Variants in OCIAD1 observed in about 807,000 individuals in gnomAD.
The protein encoded by OCIAD1 is OCIA domain containing 1.
A neutral mutation model predicts 38.9 loss-of-function variants in OCIAD1; 29 were observed. That is an observed-to-expected ratio of 0.74 (90% CI 0.55 to 1.02). OCIAD1 has a LOEUF of 1.02. OCIAD1 is among the 50% of genes least tolerant of loss of function. The probability of loss-of-function intolerance (pLI) is 0.00; values close to 1 mark genes in which losing one functional copy is unlikely to be tolerated. For missense variants in OCIAD1, 288 were observed against 289.6 expected (o/e 0.99, Z 0.04); for synonymous variants, 110 against 92.0 (o/e 1.20, Z -1.12).
chr4:48,845,593 G>T (rs973970267), intron 4 of OCIAD1, among the ~76,000 whole-genome samples: 2 of 152,024 alleles, frequency 1.3e-5, no homozygotes, highest in South Asian at 4.2e-4. Context: ...TCTTGTATGG[G>T]TTTTTTTGTC....
rs75751193 is a variant in OCIAD1, at chr4:48,861,046, A to G, written c.*284A>G. The G allele has an allele frequency of 6.2e-3, 2,105 of 339,850 alleles. 16 individuals carry two copies. The highest frequency in any genetic ancestry group is 0.018 in the Middle Eastern group (23 of 1,290). The allele number at this position is 339,850 out of a possible 1,614,324, so 21.1% of individuals were successfully genotyped here. A position where few individuals can be genotyped will look rare whatever the true frequency, so the allele number is the denominator to read the frequency against. On this transcript the variant is annotated 3_prime_UTR_variant, in exon 9 of 9. Coordinates refer to ENST00000264312, the MANE Select transcript of OCIAD1 (RefSeq NM_017830.4). Reference sequence around the variant, plus strand: ...GCAAGGGCAAAGATAACTCTTAAAAAACCGTCGAGATTACAATGCTCTAGA... The same window carrying G: ...GCAAGGGCAAAGATAACTCTTAAAAGACCGTCGAGATTACAATGCTCTAGA...
intron 1 of OCIAD1, chr4:48,831,476 C>T (rs558394666): frequency 3.9e-6 from 5 of 1,289,810 alleles, no homozygotes; most frequent in East Asian, 1.1e-4. Context: ...TGTGGGGTTG[C>T]TGCTCAGTCT....
upstream of OCIAD1, chr4:48,831,081 T>G: frequency 4.3e-6 from 1 of 232,314 alleles, no homozygotes; most frequent in Middle Eastern, 2.0e-3. Flanking sequence ...CGGGTCGCGG[T>G]CATTTTGAGC....
At chr4:48,850,180 A>G (rs1779308945) in intron 6 of OCIAD1, 98 bp downstream of exon 6, 1 of 1,255,612 alleles carries the variant, frequency 8.0e-7, no homozygotes, top group South Asian at 1.3e-5. Flanking sequence ...CTGAAGGACC[A>G]CTGGATACTT....
At chr4:48,858,703 C>T (rs1780322291) in intron 8 of OCIAD1, among the ~76,000 whole-genome samples, 1 of 152,170 alleles carries the variant, frequency 6.6e-6, no homozygotes, top group Admixed American at 6.5e-5. Context: ...AGTCCTTTCA[C>T]CTTGGCCTCC....
At chr4:48,838,151 C>G (rs760548937) in intron 3 of OCIAD1, among the ~76,000 whole-genome samples, 11 of 152,086 alleles carry the variant, frequency 7.2e-5, no homozygotes, top group Non-Finnish European at 1.0e-4. Context: ...AACCCCGTCT[C>G]TACTAAGAAT....
intron 7 of OCIAD1, chr4:48,856,781 A>AT (rs1222018747): frequency 6.6e-6 from 1 of 152,272 alleles, no homozygotes; most frequent in Non-Finnish European, 1.5e-5. Flanking sequence ...TTATAGGACT[A>AT]TTTAACTATA....
chr4:48,837,972 G>A (rs1375201264), intron 3 of OCIAD1, among the ~76,000 whole-genome samples: 1 of 152,178 alleles, frequency 6.6e-6, no homozygotes, highest in Non-Finnish European at 1.5e-5. Flanking sequence ...TATATGAACA[G>A]TACAAAGCTA....
intron 1 of OCIAD1, among the ~76,000 whole-genome samples, chr4:48,823,394 G>A (rs1028108470): frequency 6.6e-6 from 1 of 151,944 alleles, no homozygotes; most frequent in African/African-American, 2.4e-5. Context: ...CTGTTGGTGG[G>A]GGGGTAGGGG....
chr4:48,827,402 C>T (rs573432817), upstream of OCIAD1, among the ~76,000 whole-genome samples: 1 of 152,122 alleles, frequency 6.6e-6, no homozygotes, highest in East Asian at 1.9e-4. Flanking sequence ...TAATTTAATC[C>T]AGGTGGATCG....
intron 7 of OCIAD1, among the ~76,000 whole-genome samples, chr4:48,854,878 A>C (rs1779876454): frequency 6.6e-6 from 1 of 152,194 alleles, no homozygotes; most frequent in African/African-American, 2.4e-5. Context: ...TTAATCTTTT[A>C]AAATAGCAAG....
chr4:48,860,807 A>G lies in OCIAD1; in HGVS notation c.*45A>G, dbSNP rs1441222491. ...TGAAGGAGTTTCAACATCCAGCTTC[A>G]TCTAGGTGGTCATGATTACCTGCAT... On this transcript the variant is annotated 3_prime_UTR_variant, in exon 9 of 9. Coordinates refer to ENST00000264312, the MANE Select transcript of OCIAD1 (RefSeq NM_017830.4). 1 of 1,420,710 alleles carries G rather than the reference A, an allele frequency of 7.0e-7. No individual in the cohort carries two copies. Among genetic ancestry groups the G allele is most frequent in the Non-Finnish European group, 9.9e-7 (1 of 1,006,064 alleles). The allele number at this position is 1,420,710 out of a possible 1,614,324, so 88.0% of individuals were successfully genotyped here.
chr4:48,832,812 TGTTCTA>T, intron 2 of OCIAD1, 130 bp downstream of exon 2: 1 of 702,906 alleles, frequency 1.4e-6, no homozygotes, highest in Non-Finnish European at 2.6e-6. Flanking sequence ...CTTGGTTTCA[TGTTCTA>T]GTCTTGTTAT....
At chr4:48,828,880 A>G (rs1452608793), upstream of OCIAD1, among the ~76,000 whole-genome samples, 1 of 152,206 alleles carries the variant, frequency 6.6e-6, no homozygotes, top group Non-Finnish European at 1.5e-5. Context: ...AGGACACACT[A>G]TGTGTTAGGC....
chr4:48,843,058 T>C (rs1249099680), intron 4 of OCIAD1, among the ~76,000 whole-genome samples: 1 of 152,212 alleles, frequency 6.6e-6, no homozygotes, highest in Non-Finnish European at 1.5e-5. Flanking sequence ...GTGATTCTTA[T>C]ATAATGATTT....
intron 3 of OCIAD1, 99 bp from the exon 4 acceptor site, chr4:48,842,537 T>C: frequency 1.3e-6 from 1 of 750,302 alleles, no homozygotes; most frequent in Non-Finnish European, 2.3e-6. Context: ...TTATGCAATA[T>C]AATTCCTAGA....
chr4:48,836,972 ATTTC>A (rs914331031), intron 3 of OCIAD1, among the ~76,000 whole-genome samples: 5 of 152,012 alleles, frequency 3.3e-5, no homozygotes, highest in Non-Finnish European at 5.9e-5. Flanking sequence ...AATGGGAATA[ATTTC>A]TTTCTTTTTT....
rs1780116716 is a variant in OCIAD1 at position 48,857,199 on chromosome 4, G to C, written c.548-14G>C. On this transcript the variant is annotated splice_polypyrimidine_tract_variant and intron_variant, in intron 7 of 8. Coordinates refer to ENST00000264312, the MANE Select transcript of OCIAD1 (RefSeq NM_017830.4). ...ATCCTTTTATTACCATTTATTAACT[G>C]TTTGTTGTTTTAGGACCTGATCCCA... 1 of 1,500,230 alleles carries C rather than the reference G, an allele frequency of 6.7e-7. No homozygotes were observed. The highest frequency in any genetic ancestry group is 1.4e-5 in the African/African-American group (1 of 70,444). 92.9% of individuals were successfully genotyped at this position (1,500,230 alleles called of 1,614,324 possible).
intron 1 of OCIAD1, among the ~76,000 whole-genome samples, chr4:48,825,406 C>T (rs1777239453): frequency 6.6e-6 from 1 of 152,238 alleles, no homozygotes; most frequent in Non-Finnish European, 1.5e-5. Flanking sequence ...ACATGAATAT[C>T]TTCAGCAGCC....
Sources: allele counts gnomAD v4.1 joint callset (sites outside exome capture counted in the v4.1 genomes callset), GRCh38; gene constraint gnomAD v4.1.1; transcripts MANE v1.5; gene names NCBI Gene and HGNC (gene_info 2026-07-23, HGNC 2026-07-21).